Variants in FNDC3A observed in about 807,000 individuals in gnomAD.
FNDC3A encodes fibronectin type-III domain-containing protein 3A.
A neutral mutation model predicts 148.9 loss-of-function variants in FNDC3A; 32 were observed. The observed-to-expected ratio is 0.21, with a 90% CI of 0.16 to 0.29. The LOEUF (loss-of-function observed/expected upper bound fraction) is 0.29, where lower values mean the gene tolerates loss of function less well. Ranked by LOEUF, FNDC3A falls within the 10% of genes least tolerant of loss-of-function variation. The probability of loss-of-function intolerance (pLI) is 1.00; values close to 1 mark genes in which losing one functional copy is unlikely to be tolerated. For missense variants in FNDC3A, 1,191 were observed against 1,452.8 expected, an observed-to-expected ratio of 0.82 and a Z score of 2.93; for synonymous variants, 472 against 473.6, an observed-to-expected ratio of 1.00 and a Z score of 0.04.
At position 49,159,865 on chromosome 13, in the gene FNDC3A, A is replaced by G. The variant is rs181730636; in HGVS notation, c.978-7379A>G. Among the ~76,000 whole-genome samples, 67 of 152,266 alleles carry G rather than the reference A, an allele frequency of 4.4e-4. 1 individual carries two copies. Among genetic ancestry groups the G allele is most frequent in the Admixed American group, 3.1e-3 (48 of 15,296 alleles). The stretch of plus-strand genomic sequence containing the variant: ...TTGTCAAAGGCCTTTTTCTGCATCT[A>G]TTGAGATAAACATGTGGTTTTTGTC... On this transcript the variant is annotated intron_variant, in intron 8 of 25. Transcript: ENST00000492622.
intron 10 of FNDC3A, among the ~76,000 whole-genome samples, chr13:49,169,015 ATTC>A (rs1352728427): frequency 6.6e-6 from 1 of 152,226 alleles, no homozygotes; most frequent in African/African-American, 2.4e-5. Context: ...CACAACAGTG[ATTC>A]TTAACCCATT....
intron 3 of FNDC3A, among the ~76,000 whole-genome samples, chr13:49,079,910 G>T (rs559916280): frequency 1.5e-4 from 23 of 152,164 alleles, no homozygotes; most frequent in African/African-American, 5.3e-4. Context: ...AAACTCCTGG[G>T]CTCAGGTGAT....
chr13:49,191,939 C>G (rs1320510430), intron 19 of FNDC3A, among the ~76,000 whole-genome samples: 1 of 152,088 alleles, frequency 6.6e-6, no homozygotes, highest in Non-Finnish European at 1.5e-5. Flanking sequence ...ATCTCCATTT[C>G]ACAACTAAGG....
chr13:49,145,812 C>A lies in FNDC3A; in HGVS notation c.854C>A (p.Thr285Asn). 3.7e-6 allele frequency: 6 copies of A among 1,613,952 alleles called. No individual in the cohort carries two copies. The highest frequency in any genetic ancestry group is 3.4e-6 in the Non-Finnish European group (4 of 1,179,884). ...ATCCAGGCAAGGACAGTAGTACTTA[C>A]CTGGTCACCACCTTCCAGCCTCATT... The part of the protein sequence containing the change: ...SDIQARTVVL[T>N]WSPPSSLING... The change falls in exon 8 of 26, where the codon ACC becomes AAC. Residue 285 changes from threonine to asparagine, a missense_variant. Physicochemically the swap from Thr to Asn is moderately conservative, Grantham distance 65. Transcript: ENST00000492622.
chr13:49,053,007 C>T (rs1437202640), intron 2 of FNDC3A, among the ~76,000 whole-genome samples: 2 of 152,118 alleles, frequency 1.3e-5, no homozygotes, highest in Non-Finnish European at 2.9e-5. Context: ...CTGGGAAAGC[C>T]GGCACTCACA....
intron 2 of FNDC3A, among the ~76,000 whole-genome samples, chr13:49,053,246 G>A (rs962113330): frequency 2.6e-5 from 4 of 152,128 alleles, no homozygotes; most frequent in African/African-American, 9.7e-5. Flanking sequence ...GGATTCTCCC[G>A]GCTTTCTTAG....
intron 2 of FNDC3A, among the ~76,000 whole-genome samples, chr13:49,041,813 C>CA (rs771071135): frequency 0.086 from 5,521 of 63,950 alleles, 305 homozygotes; most frequent in African/African-American, 0.22. Context: ...GACTCTGTCT[C>CA]AAAAAAAAAA....
intron 3 of FNDC3A, among the ~76,000 whole-genome samples, chr13:49,091,286 A>G (rs375817271): frequency 3.3e-5 from 5 of 152,214 alleles, no homozygotes; most frequent in African/African-American, 1.2e-4. Flanking sequence ...AAAAAAAGAA[A>G]TAAACAGAAA....
At chr13:49,173,399 T>C (rs1884864488) in intron 11 of FNDC3A, among the ~76,000 whole-genome samples, 1 of 152,248 alleles carries the variant, frequency 6.6e-6, no homozygotes, top group African/African-American at 2.4e-5. Context: ...GAGTATTTGA[T>C]AAAAATTACC....
At chr13:49,158,277 C>T (rs955746690) in intron 8 of FNDC3A, among the ~76,000 whole-genome samples, 1 of 152,140 alleles carries the variant, frequency 6.6e-6, no homozygotes, top group Non-Finnish European at 1.5e-5. Context: ...GGGAGTGACC[C>T]GATTTTCCAG....
intron 2 of FNDC3A, among the ~76,000 whole-genome samples, chr13:49,041,121 C>T (rs1220435384): frequency 1.3e-5 from 2 of 152,082 alleles, no homozygotes; most frequent in Non-Finnish European, 2.9e-5. Flanking sequence ...TTGCCAGAAA[C>T]CTGTGAGTGG....
intron 2 of FNDC3A, among the ~76,000 whole-genome samples, chr13:49,059,254 CTA>C (rs1876478721): frequency 6.6e-6 from 1 of 152,136 alleles, no homozygotes; most frequent in African/African-American, 2.4e-5. Context: ...AAAGCTAAAA[CTA>C]TAGAACTCTT....
chr13:49,014,699 C>G (rs1479809751), intron 2 of FNDC3A, among the ~76,000 whole-genome samples: 1 of 138,534 alleles, frequency 7.2e-6, no homozygotes, highest in Admixed American at 7.5e-5. Flanking sequence ...ATGGTAATGC[C>G]TAGGTTTTCT....
chr13:49,044,230 C>A, intron 2 of FNDC3A: 1 of 205,510 alleles, frequency 4.9e-6, no homozygotes, highest in East Asian at 1.2e-4. Flanking sequence ...TGAGTTCACC[C>A]AGAGCTTCCT....
At chr13:49,123,561 G>A (rs1881501098) in intron 4 of FNDC3A, among the ~76,000 whole-genome samples, 1 of 151,726 alleles carries the variant, frequency 6.6e-6, no homozygotes, top group South Asian at 2.1e-4. Flanking sequence ...AAGTAAACAG[G>A]CAGCCTGTAG....
intron 2 of FNDC3A, among the ~76,000 whole-genome samples, chr13:49,068,109 G>T (rs530234086): frequency 1.3e-5 from 2 of 151,896 alleles, no homozygotes; most frequent in African/African-American, 4.8e-5. Flanking sequence ...CGAGCTGGGC[G>T]GATCGCTTGA....
intron 3 of FNDC3A, among the ~76,000 whole-genome samples, chr13:49,085,876 CTTT>C (rs111913275): frequency 8.2e-5 from 11 of 134,582 alleles, no homozygotes; most frequent in African/African-American, 1.9e-4. Flanking sequence ...CCCATCCATC[CTTT>C]TTTTTTTTTT....
intron 14 of FNDC3A, among the ~76,000 whole-genome samples, chr13:49,184,290 G>T (rs1350983437): frequency 6.6e-6 from 1 of 152,182 alleles, no homozygotes; most frequent in Non-Finnish European, 1.5e-5. Context: ...AGGGTTCTGA[G>T]CTAAGCAGTG....
intron 3 of FNDC3A, among the ~76,000 whole-genome samples, chr13:49,080,891 C>T (rs1878424510): frequency 6.6e-6 from 1 of 152,132 alleles, no homozygotes; most frequent in Non-Finnish European, 1.5e-5. Flanking sequence ...GAAGCCCTTG[C>T]TTTAGTTTCT....
Sources: allele counts gnomAD v4.1 joint callset (sites outside exome capture counted in the v4.1 genomes callset), GRCh38; gene constraint gnomAD v4.1.1; transcripts MANE v1.5; gene names NCBI Gene and HGNC (gene_info 2026-07-23, HGNC 2026-07-21).